The following NBEAL1 variants were observed in gnomAD, a reference collection of about 807,000 sequenced individuals.
NBEAL1 encodes neurobeachin like 1.
In NBEAL1, 273 loss-of-function variants were observed where a neutral mutation model predicts 351.3. The observed-to-expected ratio is 0.78, with a 90% CI of 0.70 to 0.86. The LOEUF is 0.86. Among genes scored for constraint, NBEAL1 ranks in the 40% least tolerant of loss-of-function variants. The pLI, the probability that NBEAL1 is intolerant of heterozygous loss-of-function variation, is 0.00. For missense variants in NBEAL1, 2,961 were observed against 3,201.3 expected (o/e 0.92, Z 1.81); for synonymous variants, 1,050 against 1,086.4 (o/e 0.97, Z 0.66).
intron 35 of NBEAL1, among the ~76,000 whole-genome samples, chr2:203,153,084 T>C (rs1440375310): frequency 6.6e-6 from 1 of 152,102 alleles, no homozygotes; most frequent in East Asian, 1.9e-4. Context: ...AGGCATATTA[T>C]GTTGTAGTTT....
chr2:203,127,408 C>G lies in NBEAL1; in HGVS notation c.3249-373C>G, dbSNP rs958937193. On this transcript the variant is annotated intron_variant, in intron 23 of 55. Transcript: ENST00000683969. ...AAATATTTTTTTAACACTATGAATT[C>G]TTTTATGTAGAAAATATAGAAATGT... Among the ~76,000 whole-genome samples the G allele has an allele frequency of 4.2e-4, 64 of 152,136 alleles. 1 individual carries two copies. Among genetic ancestry groups the G allele is most frequent in the South Asian group, 2.1e-4 (1 of 4,830 alleles).
rs1411928312 is a variant in NBEAL1 at position 203,206,772 on chromosome 2, C to T, written c.7507-1865C>T. ...GTGGCATGATCTCGGCTCGGTACAA[C>T]ATCCACCTCCCAGCAGCCTGCCTTG... On this transcript the variant is annotated intron_variant, in intron 51 of 55. Transcript: ENST00000683969. Among the ~76,000 whole-genome samples the T allele has an allele frequency of 6.6e-5, 10 of 152,006 alleles. No homozygotes were observed. In the South Asian group the frequency reaches 2.1e-3, roughly 32 times the overall value.
intron 35 of NBEAL1, among the ~76,000 whole-genome samples, chr2:203,151,973 T>C (rs1280879003): frequency 6.6e-6 from 1 of 152,114 alleles, no homozygotes; most frequent in African/African-American, 2.4e-5. Context: ...TTTCTTTTTT[T>C]TGAGACAAAA....
At chr2:203,170,024 GC>G (rs2106406088) in intron 39 of NBEAL1, among the ~76,000 whole-genome samples, 173 bp downstream of exon 39, 1 of 152,218 alleles carries the variant, frequency 6.6e-6, no homozygotes, top group African/African-American at 2.4e-5. Flanking sequence ...TGCCCTCCCT[GC>G]CACCTCCTGT....
intron 3 of NBEAL1, among the ~76,000 whole-genome samples, chr2:203,044,719 A>G (rs1331663676): frequency 1.3e-5 from 2 of 152,228 alleles, no homozygotes; most frequent in South Asian, 2.1e-4. Context: ...TACGTACAAG[A>G]TATTTTATGA....
chr2:203,213,864 A>G (rs2065854153), intron 55 of NBEAL1: 5 of 785,058 alleles, frequency 6.4e-6, no homozygotes, highest in Non-Finnish European at 7.7e-6. Flanking sequence ...TGGCAATTCT[A>G]TCTACCACTC....
intron 6 of NBEAL1, among the ~76,000 whole-genome samples, chr2:203,059,928 A>T (rs1247068668): frequency 6.6e-6 from 1 of 152,202 alleles, no homozygotes; most frequent in Non-Finnish European, 1.5e-5. Flanking sequence ...GTTCTAACTA[A>T]TCAGTGTTCC....
intron 39 of NBEAL1, 52 bp from the exon 40 acceptor site, chr2:203,171,876 T>C: frequency 1.9e-6 from 2 of 1,027,488 alleles, no homozygotes; most frequent in South Asian, 3.2e-5. Flanking sequence ...TACCAATGTC[T>C]AAGAGATGTA....
chr2:203,119,424 CTTTTTTT>C lies in NBEAL1; in HGVS notation c.2593-2816_2593-2810del, dbSNP rs57126638. 3.0e-5 allele frequency among the ~76,000 whole-genome samples: 2 copies of C among 66,656 alleles called. 1 individual carries two copies. The highest frequency in any genetic ancestry group is 1.4e-3 in the East Asian group (2 of 1,438). 43.7% of individuals were successfully genotyped at this position (66,656 alleles called of 152,430 possible). ...GTGAGCCACTGCATACGGCCTGTTG[CTTTTTTT>C]TTTTTTTTTTTTTGAGACGGAGTCT... On this transcript the variant is annotated intron_variant, in intron 18 of 55. Coordinates refer to ENST00000683969, the MANE Select transcript of NBEAL1 (RefSeq NM_001378026.1).
chr2:203,201,213 C>T (rs2065390591), intron 49 of NBEAL1, among the ~76,000 whole-genome samples: 1 of 152,146 alleles, frequency 6.6e-6, no homozygotes, highest in Non-Finnish European at 1.5e-5. Flanking sequence ...CATATCCTGT[C>T]TTGTCTTTAA....
chr2:203,124,977 A>AT (rs371001659), intron 19 of NBEAL1, among the ~76,000 whole-genome samples: 4 of 151,824 alleles, frequency 2.6e-5, no homozygotes, highest in African/African-American at 4.8e-5. Context: ...CACCAAATGC[A>AT]TTTTTTTTCA....
At chr2:203,044,548 A>C (rs1290387849) in intron 3 of NBEAL1, among the ~76,000 whole-genome samples, 1 of 152,168 alleles carries the variant, frequency 6.6e-6, no homozygotes, top group South Asian at 2.1e-4. Context: ...ATGTAGACTT[A>C]TATTGCCACT....
At chr2:203,116,804 A>G (rs533824921) in intron 18 of NBEAL1, among the ~76,000 whole-genome samples, 32 of 151,118 alleles carry the variant, frequency 2.1e-4, no homozygotes, top group Admixed American at 1.3e-3. Context: ...AAAAAAAAAA[A>G]AAAGGGGGGG....
chr2:203,166,324 T>C, intron 37 of NBEAL1, 27 bp downstream of exon 37: 1 of 1,588,838 alleles, frequency 6.3e-7, no homozygotes, highest in Non-Finnish European at 8.5e-7. Flanking sequence ...AAAATAATTT[T>C]TGCTGTTCAA....
intron 28 of NBEAL1, among the ~76,000 whole-genome samples, 164 bp from the exon 29 acceptor site, chr2:203,136,435 T>C (rs761171755): frequency 6.6e-6 from 1 of 152,196 alleles, no homozygotes; most frequent in Non-Finnish European, 1.5e-5. Context: ...GCAAAGCTAA[T>C]GTCTTACTCA....
chr2:203,208,507 G>C (rs943422503), intron 51 of NBEAL1, 130 bp from the exon 52 acceptor site: 3 of 659,928 alleles, frequency 4.5e-6, no homozygotes, highest in Non-Finnish European at 2.7e-6. Flanking sequence ...GTACTATTAT[G>C]AATAGACTCA....
chr2:203,049,981 T>C lies in NBEAL1; in HGVS notation c.305+6T>C. 6.5e-7 allele frequency: 1 copy of C among 1,550,026 alleles called. No homozygotes were observed. The highest frequency in any genetic ancestry group is 8.7e-7 in the Non-Finnish European group (1 of 1,145,978). On this transcript the variant is annotated splice_donor_region_variant and intron_variant, in intron 4 of 55. Transcript: ENST00000683969. The stretch of plus-strand genomic sequence containing the variant: ...TTCTTCATTATTCTTTGCAGGTATC[T>C]AGTAGAAAAAATAAGCTAGTTTTCA...
chr2:203,058,301 G>A (rs963974477), intron 6 of NBEAL1, among the ~76,000 whole-genome samples: 2 of 152,108 alleles, frequency 1.3e-5, no homozygotes, highest in Admixed American at 1.3e-4. Flanking sequence ...CAAATACTGG[G>A]ATTATAGACA....
At chr2:203,046,208 A>ATACT in intron 3 of NBEAL1, among the ~76,000 whole-genome samples, 1 of 148,800 alleles carries the variant, frequency 6.7e-6, no homozygotes, top group East Asian at 2.0e-4. Context: ...ACAACAGTAG[A>ATACT]TATTTATTTA....
Sources: allele counts gnomAD v4.1 joint callset (sites outside exome capture counted in the v4.1 genomes callset), GRCh38; gene constraint gnomAD v4.1.1; transcripts MANE v1.5; gene names NCBI Gene and HGNC (gene_info 2026-07-23, HGNC 2026-07-21).